Variants in PRRC2B observed in about 807,000 individuals in gnomAD.
The protein encoded by PRRC2B is proline rich coiled-coil 2B.
Under a neutral mutation model 242.3 loss-of-function variants are expected in PRRC2B, and 68 were observed. The ratio of observed to expected loss-of-function variants is 0.28; its 90% CI spans 0.23 to 0.34. The LOEUF (loss-of-function observed/expected upper bound fraction) is 0.34, where lower values mean the gene tolerates loss of function less well. PRRC2B is among the 10% of genes least tolerant of loss of function. PRRC2B has a pLI of 1.00. For missense variants in PRRC2B, 2,835 were observed against 2,954.8 expected (o/e 0.96, Z 0.94); for synonymous variants, 1,228 against 1,173.6 (o/e 1.05, Z -0.95).
At position 131,467,679 on chromosome 9, in the gene PRRC2B, T is replaced by A; in HGVS notation, c.1837T>A (p.Ser613Thr). 6.2e-7 allele frequency: 1 copy of A among 1,613,124 alleles called. No individual in the cohort carries two copies. The highest frequency in any genetic ancestry group is 8.5e-7 in the Non-Finnish European group (1 of 1,179,788). Residue 613 changes from serine to threonine, a missense_variant, in exon 13 of 32, where the codon TCC becomes ACC. Physicochemically the swap from Ser to Thr is moderately conservative, Grantham distance 58. This residue lies in a region of PRRC2B where 1,536 missense variants were observed against 1,483.1 expected (regional missense o/e 1.04). Transcript: ENST00000683519. ...TGAGGAAGAGGCCAGAGAGGCTGGGTCCCCTGCACAGGAGTTCAAGTATCA... is the reference window on the plus strand; with the variant it reads ...TGAGGAAGAGGCCAGAGAGGCTGGGACCCCTGCACAGGAGTTCAAGTATCA... The part of the protein sequence containing the change: ...SSEEEAREAG[S>T]PAQEFKYQKS...
At chr9:131,378,837 G>A (rs915126762) in intron 1 of PRRC2B, among the ~76,000 whole-genome samples, 5 of 152,086 alleles carry the variant, frequency 3.3e-5, no homozygotes, top group Non-Finnish European at 7.3e-5. Flanking sequence ...TCCTGCGTCA[G>A]CCTCCTGAGT....
At chr9:131,456,597 C>T (rs1055397994) in intron 10 of PRRC2B, among the ~76,000 whole-genome samples, 1 of 151,704 alleles carries the variant, frequency 6.6e-6, no homozygotes, top group Non-Finnish European at 1.5e-5. Flanking sequence ...CGCCACATGC[C>T]ACTGCACTCC....
In PRRC2B at chr9:131,459,348, G is replaced by C; in HGVS notation, c.1396G>C (p.Asp466His). ...GCTTCATGGCTGGGCACCAGGCCCTGACTACCAGGTACCAAGGGCCCTTGG... is the reference window on the plus strand; with the variant it reads ...GCTTCATGGCTGGGCACCAGGCCCTCACTACCAGGTACCAAGGGCCCTTGG... ...RKLHGWAPGP[D>H]YQKSSMGSMF... The change falls in exon 11 of 32, where the codon GAC becomes CAC. Residue 466 changes from aspartate (D) to histidine (H), a missense_variant. Around this residue, in one of 7 missense-constraint regions of PRRC2B, gnomAD observed 626 missense variants for 685.5 expected, o/e 0.91. Transcript: ENST00000683519. 3.7e-6 allele frequency: 6 copies of C among 1,612,780 alleles called. No homozygotes were observed. Among genetic ancestry groups the C allele is most frequent in the Non-Finnish European group, 4.2e-6 (5 of 1,179,306 alleles).
intron 4 of PRRC2B, among the ~76,000 whole-genome samples, chr9:131,437,411 A>G (rs1291622075): frequency 6.6e-6 from 1 of 152,230 alleles, no homozygotes; most frequent in Non-Finnish European, 1.5e-5. Flanking sequence ...CTCATAACAC[A>G]CTCAGTCCAT....
In PRRC2B at chr9:131,482,499, C is replaced by T. The variant is rs375348482; in HGVS notation, c.5112C>T (p.Pro1704=). ...GTLKPEEMSG[P]GLAEPKADSH... ...TGAAGCCAGAGGAGATGAGCGGGCC[C>T]GGCCTGGCGGAACCCAAGGCCGACA... The change falls in exon 21 of 32, where the codon CCC becomes CCT. Residue 1704 remains proline, a synonymous_variant. Transcript: ENST00000683519. This position sits in a 1 kb window ranked among gnomAD's most constrained non-coding sequence, Gnocchi z 5.2. The T allele has an allele frequency of 1.2e-4, 199 of 1,611,474 alleles. No homozygotes were observed. The highest frequency in any genetic ancestry group is 8.3e-4 in the Middle Eastern group (5 of 6,050).
chr9:131,388,072 A>G (rs1309059613), intron 1 of PRRC2B, among the ~76,000 whole-genome samples: 1 of 149,572 alleles, frequency 6.7e-6, no homozygotes, highest in Non-Finnish European at 1.5e-5. Context: ...CACGCTATGT[A>G]GGAGGCTGAG....
Position 131,475,851 on chromosome 9 carries a change from C to T in PRRC2B, c.3722C>T (p.Pro1241Leu). ...GGCAGCTCTTGGCAGGAATATGGCC[C>T]TTCCGACACATGCGGATCCCGGCGA... ...SPGSSWQEYG[P>L]SDTCGSRRPT... The change falls in exon 16 of 32, where the codon CCT (proline) becomes CTT (leucine). Residue 1241 changes from proline (P) to leucine (L), a missense_variant. Pro to Leu is a moderately conservative substitution (Grantham distance 98, BLOSUM62 -3). This residue lies in a region of PRRC2B where 1,536 missense variants were observed against 1,483.1 expected (regional missense o/e 1.04). Coordinates refer to ENST00000683519, the MANE Select transcript of PRRC2B (RefSeq NM_013318.4). The T allele has an allele frequency of 4.3e-6, 7 of 1,613,684 alleles. No individual in the cohort carries two copies. The highest frequency in any genetic ancestry group is 5.1e-6 in the Non-Finnish European group (6 of 1,179,652).
At chr9:131,402,152 C>T (rs769105758) in intron 1 of PRRC2B, among the ~76,000 whole-genome samples, 3 of 152,090 alleles carry the variant, frequency 2.0e-5, no homozygotes, top group African/African-American at 4.8e-5. Context: ...AACGGAGTTT[C>T]GCCATGTTGG....
At position 131,497,357 on chromosome 9, in the gene PRRC2B, T is replaced by G. The variant is rs1158108723; in HGVS notation, c.*1483T>G. 6.6e-6 allele frequency: 1 copy of G among 152,270 alleles called. No individual in the cohort carries two copies. The highest frequency in any genetic ancestry group is 2.4e-5 in the African/African-American group (1 of 41,460). 9.4% of individuals were successfully genotyped at this position (152,270 alleles called of 1,614,324 possible). A position where few individuals can be genotyped will look rare whatever the true frequency, so the allele number is the denominator to read the frequency against. The stretch of plus-strand genomic sequence containing the variant: ...GAAACAAGGAAATCACTCCAGATTC[T>G]GTCATTCCAAGGAAAGGGAAGGGGA... On this transcript the variant is annotated 3_prime_UTR_variant, in exon 32 of 32. Coordinates refer to ENST00000683519, the MANE Select transcript of PRRC2B (RefSeq NM_013318.4).
chr9:131,392,342 C>T (rs1018013935), upstream of PRRC2B, among the ~76,000 whole-genome samples: 3 of 152,162 alleles, frequency 2.0e-5, no homozygotes, highest in African/African-American at 7.2e-5. Context: ...CATGATCCAC[C>T]TGCCTCGACC....
At chr9:131,448,632 C>T (rs994527434) in intron 9 of PRRC2B, among the ~76,000 whole-genome samples, 1 of 149,022 alleles carries the variant, frequency 6.7e-6, no homozygotes, top group Admixed American at 6.8e-5. Flanking sequence ...TTGCAGGGTC[C>T]ATCATGGTGA....
intron 9 of PRRC2B, among the ~76,000 whole-genome samples, chr9:131,448,546 A>AGAAAAAAAAAAAAAAAC (rs1838888952): frequency 9.8e-6 from 1 of 101,996 alleles, no homozygotes; most frequent in Non-Finnish European, 2.0e-5. Flanking sequence ...ACTGTCTCAA[A>AGAAAAAAAAAAAAAAAC]AAAAAAAAAA....
chr9:131,483,216 C>T (rs1162614683), intron 22 of PRRC2B, 143 bp from the exon 23 acceptor site: 4 of 802,622 alleles, frequency 5.0e-6, no homozygotes, highest in Non-Finnish European at 8.1e-6. Context: ...AAAATCTGGC[C>T]ATCTCGCTCA....
chr9:131,449,557 T>C (rs891900298), intron 9 of PRRC2B, among the ~76,000 whole-genome samples: 12 of 152,240 alleles, frequency 7.9e-5, no homozygotes, highest in African/African-American at 2.7e-4. Flanking sequence ...CACTTTTATG[T>C]GCTATTTGAC....
intron 1 of PRRC2B, among the ~76,000 whole-genome samples, chr9:131,388,842 T>C: frequency 7.6e-6 from 1 of 132,140 alleles, no homozygotes; most frequent in South Asian, 2.3e-4. Flanking sequence ...CCTTTTACCT[T>C]TTTTTTTTTT....
intron 17 of PRRC2B, 107 bp downstream of exon 17, chr9:131,478,056 G>A: frequency 4.2e-6 from 4 of 960,070 alleles, no homozygotes; most frequent in Non-Finnish European, 6.3e-6. Flanking sequence ...TTAGCTTTCG[G>A]AACAGCTCGG....
chr9:131,455,443 G>T (rs532205063), intron 10 of PRRC2B, among the ~76,000 whole-genome samples: 2 of 151,628 alleles, frequency 1.3e-5, no homozygotes, highest in African/African-American at 4.8e-5. Flanking sequence ...TGGATTGCTT[G>T]TGGCTGTCGT....
At position 131,491,419 on chromosome 9, in the gene PRRC2B, C is replaced by T. The variant is rs1944191123; in HGVS notation, c.6226-6C>T. The T allele has an allele frequency of 6.3e-7, 1 of 1,588,440 alleles. No individual in the cohort carries two copies. Among genetic ancestry groups the T allele is most frequent in the Non-Finnish European group, 8.6e-7 (1 of 1,168,120 alleles). The stretch of plus-strand genomic sequence containing the variant: ...CCCCCTCCTGACTGTCATTGTCGCC[C>T]AGCAGCTGACCATGCCACTGCCTCG... On this transcript the variant is annotated splice_polypyrimidine_tract_variant and splice_region_variant and intron_variant, in intron 28 of 31. Coordinates refer to ENST00000683519, the MANE Select transcript of PRRC2B (RefSeq NM_013318.4).
At chr9:131,486,310 G>A in intron 26 of PRRC2B, 128 bp downstream of exon 26, 2 of 842,590 alleles carry the variant, frequency 2.4e-6, no homozygotes, top group Non-Finnish European at 3.6e-6. Flanking sequence ...GTGGTGACCA[G>A]CACCTGGCCC....
Sources: allele counts gnomAD v4.1 joint callset (sites outside exome capture counted in the v4.1 genomes callset), GRCh38; gene constraint gnomAD v4.1.1; regional missense constraint gnomAD v4.1.1; non-coding constraint Gnocchi (gnomAD v3.1); transcripts MANE v1.5; gene names NCBI Gene and HGNC (gene_info 2026-07-23, HGNC 2026-07-21).